Variants in CYTH3 observed in about 807,000 individuals in gnomAD.
The protein encoded by CYTH3 is cytohesin-3.
CYTH3 carries 23 observed loss-of-function variants against 55.1 expected under a neutral mutation model. That is an observed-to-expected ratio of 0.42 (90% CI 0.30 to 0.59). The LOEUF (loss-of-function observed/expected upper bound fraction) is 0.59, where lower values mean the gene tolerates loss of function less well. CYTH3 is among the 20% of genes least tolerant of loss of function. The pLI is 0.20. For missense variants in CYTH3, 413 were observed against 524.8 expected, an observed-to-expected ratio of 0.79 and a Z score of 2.08; for synonymous variants, 249 against 194.9, an observed-to-expected ratio of 1.28 and a Z score of -2.31.
intron 1 of CYTH3, among the ~76,000 whole-genome samples, chr7:6,205,383 G>A (rs914409137): frequency 2.0e-5 from 3 of 151,998 alleles, no homozygotes; most frequent in African/African-American, 7.3e-5. Flanking sequence ...GATCAGGCTG[G>A]CCAACATGGT....
chr7:6,238,627 C>T (rs1779589528), intron 1 of CYTH3, among the ~76,000 whole-genome samples: 1 of 152,150 alleles, frequency 6.6e-6, no homozygotes, highest in South Asian at 2.1e-4. Context: ...ATCATTACAT[C>T]ATTAAACATT....
chr7:6,177,388 A>G (rs1458630502), intron 5 of CYTH3, among the ~76,000 whole-genome samples: 4 of 152,236 alleles, frequency 2.6e-5, no homozygotes, highest in African/African-American at 9.6e-5. Context: ...GCAGTCAGAA[A>G]GTAAATCTGA....
At chr7:6,221,454 C>G (rs1484152183) in intron 1 of CYTH3, among the ~76,000 whole-genome samples, 1 of 152,136 alleles carries the variant, frequency 6.6e-6, no homozygotes, top group Non-Finnish European at 1.5e-5. Context: ...AGGAGGGAGC[C>G]TGATAACTTT....
chr7:6,165,188 G>A lies in CYTH3; in HGVS notation c.1127+85C>T, dbSNP rs532766605. 8.5e-5 allele frequency: 132 copies of A among 1,560,228 alleles called. No individual in the cohort carries two copies. The East Asian group carries it at 8.6e-4, about 10-fold the overall frequency. ...AGACAGAAGGTCCACTCTTGCACAC[G>A]GAAGCATCCATGTTCCAGACCATCC... is the stretch of plus-strand genomic sequence containing the variant. On this transcript the variant is annotated intron_variant, in intron 12 of 12. Transcript: ENST00000350796.
intron 1 of CYTH3, 42 bp downstream of exon 1, chr7:6,272,412 CCCCCAGCCCCCGGCCCCCGA>C: frequency 2.2e-6 from 1 of 450,650 alleles, no homozygotes; most frequent in Non-Finnish European, 3.9e-6. Context: ...GCGCCCTCGA[CCCCCAGCCCCCGGCCCCCGA>C]CCCCAGGCCG....
chr7:6,262,203 G>A (rs761490924), intron 1 of CYTH3, among the ~76,000 whole-genome samples: 6 of 152,190 alleles, frequency 3.9e-5, no homozygotes, highest in East Asian at 1.9e-4. Context: ...TACAGGACAC[G>A]ACACAGAGGG....
chr7:6,231,752 A>G (rs1465229633), intron 1 of CYTH3, among the ~76,000 whole-genome samples: 2 of 152,226 alleles, frequency 1.3e-5, no homozygotes, highest in Admixed American at 1.3e-4. Flanking sequence ...TAACATGATT[A>G]TTATCCCCCA....
rs2128536226 is a variant in CYTH3 at position 6,167,696 on chromosome 7, C to G, written c.824-1886G>C. Among the ~76,000 whole-genome samples, 1 of 152,386 alleles carries G rather than the reference C, an allele frequency of 6.6e-6. No individual in the cohort carries two copies. The highest frequency in any genetic ancestry group is 1.9e-4 in the East Asian group (1 of 5,182). ...CCCAGCTGTGGCCTTTCTCCCTGCC[C>G]TGTTATCTGAGTCTCCAGTTCTTGG... On this transcript the variant is annotated intron_variant, in intron 9 of 12. Coordinates refer to ENST00000350796, the MANE Select transcript of CYTH3 (RefSeq NM_004227.4). The surrounding 1 kb of genome is among the most constrained non-coding windows in gnomAD (Gnocchi z 5.5).
intron 5 of CYTH3, among the ~76,000 whole-genome samples, chr7:6,174,062 TTA>T (rs1439353853): frequency 2.0e-5 from 3 of 152,162 alleles, no homozygotes; most frequent in African/African-American, 4.8e-5. Flanking sequence ...ATGTTAAAGT[TTA>T]TGTTTTACAT....
At chr7:6,179,852 G>GACACACCACACACACCCAC (rs1220836081) in intron 4 of CYTH3, among the ~76,000 whole-genome samples, 2 of 50,398 alleles carry the variant, frequency 4.0e-5, no homozygotes, top group Non-Finnish European at 7.5e-5. Context: ...CCACACCACA[G>GACACACCACACACACCCAC]ACACACCACA....
intron 1 of CYTH3, among the ~76,000 whole-genome samples, chr7:6,247,213 C>G (rs1423861522): frequency 6.6e-6 from 1 of 152,146 alleles, no homozygotes; most frequent in Non-Finnish European, 1.5e-5. Context: ...TAGTTACAAC[C>G]TTTTTTCCCT....
At chr7:6,252,832 G>T (rs944183889) in intron 1 of CYTH3, among the ~76,000 whole-genome samples, 1 of 152,120 alleles carries the variant, frequency 6.6e-6, no homozygotes, top group Admixed American at 6.5e-5. Flanking sequence ...CAATTGTTAA[G>T]TTCATTTCTT....
rs1359427515 is a variant in CYTH3, at chr7:6,164,244, G to C, written c.*700C>G. ...CAGGGCAGGGCTGCACGCTGCCCCC[G>C]TGCCGGTGCCCCCAGCCCTCCCCTT... On this transcript the variant is annotated 3_prime_UTR_variant, in exon 13 of 13. Transcript: ENST00000350796. 6.6e-6 allele frequency: 1 copy of C among 152,638 alleles called. No homozygotes were observed. Among genetic ancestry groups the C allele is most frequent in the Non-Finnish European group, 1.5e-5 (1 of 68,070 alleles). The allele number at this position is 152,638 out of a possible 1,614,324, so 9.5% of individuals were successfully genotyped here.
chr7:6,225,719 G>A (rs757992859), intron 1 of CYTH3, among the ~76,000 whole-genome samples: 4 of 147,056 alleles, frequency 2.7e-5, no homozygotes, highest in East Asian at 2.0e-4. Context: ...CACTCTTGTC[G>A]CCCAGGCTGC....
At chr7:6,198,641 T>C (rs991890796) in intron 1 of CYTH3, among the ~76,000 whole-genome samples, 1 of 151,456 alleles carries the variant, frequency 6.6e-6, no homozygotes, top group East Asian at 1.9e-4. Flanking sequence ...AAAGGTCAAG[T>C]GGTTTTTTCC....
At chr7:6,206,722 A>C (rs1300008650) in intron 1 of CYTH3, among the ~76,000 whole-genome samples, 1 of 152,212 alleles carries the variant, frequency 6.6e-6, no homozygotes, top group Non-Finnish European at 1.5e-5. Context: ...AGAACATGCC[A>C]AACACTAACA....
rs1782938409 is a variant in CYTH3 at position 6,164,796 on chromosome 7, G to A, written c.*148C>T. 1.1e-6 allele frequency: 1 copy of A among 879,422 alleles called. No homozygotes were observed. Among genetic ancestry groups the A allele is most frequent in the Non-Finnish European group, 1.8e-6 (1 of 544,698 alleles). The allele number at this position is 879,422 out of a possible 1,614,324, so 54.5% of individuals were successfully genotyped here. A position where few individuals can be genotyped will look rare whatever the true frequency, so the allele number is the denominator to read the frequency against. ...ACCCCAGCCACGGCACGAGGCCTTG[G>A]GGATACCACCTGGGCCACGGTATGC... On this transcript the variant is annotated 3_prime_UTR_variant, in exon 13 of 13. Coordinates refer to ENST00000350796, the MANE Select transcript of CYTH3 (RefSeq NM_004227.4).
At chr7:6,238,317 G>A (rs913347920) in intron 1 of CYTH3, among the ~76,000 whole-genome samples, 2 of 151,898 alleles carry the variant, frequency 1.3e-5, no homozygotes, top group African/African-American at 4.8e-5. Context: ...CTCCCTACAG[G>A]TTTAAACAAT....
intron 1 of CYTH3, among the ~76,000 whole-genome samples, chr7:6,203,765 C>T (rs778271399): frequency 2.0e-5 from 3 of 151,818 alleles, no homozygotes; most frequent in African/African-American, 7.3e-5. Context: ...GTCGCCCAGG[C>T]TGGAATGCAA....
Sources: gnomAD v4.1 joint callset for allele counts (sites outside exome capture counted in the v4.1 genomes callset) on GRCh38, gnomAD v4.1.1 for gene constraint, Gnocchi (gnomAD v3.1) non-coding constraint, MANE v1.5 for transcripts, NCBI Gene and HGNC (gene_info 2026-07-23, HGNC 2026-07-21) for gene names.